The following ULK4 variants were observed in gnomAD, a reference collection of about 807,000 sequenced individuals.
ULK4 encodes the protein inactive serine/threonine-protein kinase ULK4.
ULK4 carries 133 observed loss-of-function variants against 160.6 expected under a neutral mutation model. That is an observed-to-expected ratio of 0.83 (90% CI 0.72 to 0.96). ULK4 has a LOEUF of 0.96. Ranked by LOEUF, ULK4 falls within the 40% of genes least tolerant of loss-of-function variation. The pLI is 0.00. For missense variants in ULK4, 1,580 were observed against 1,499.5 expected (o/e 1.05, Z -0.89); for synonymous variants, 534 against 539.8 (o/e 0.99, Z 0.15).
chr3:41,278,146 G>C (rs112380040), intron 35 of ULK4: 1 of 152,346 alleles, frequency 6.6e-6, no homozygotes, highest in Non-Finnish European at 1.5e-5. Context: ...ATTCCCTCCC[G>C]TGCCTGGCTC....
At chr3:41,757,843 G>C (rs2038858088) in intron 21 of ULK4, among the ~76,000 whole-genome samples, 1 of 151,814 alleles carries the variant, frequency 6.6e-6, no homozygotes. Context: ...TAGCCAAGAT[G>C]GTCTTGATCT....
intron 27 of ULK4, among the ~76,000 whole-genome samples, chr3:41,691,939 ACTT>A (rs1162244846): frequency 3.2e-4 from 41 of 129,310 alleles, no homozygotes; most frequent in African/African-American, 1.2e-3. Flanking sequence ...TCATCAAATC[ACTT>A]CTTTTTTTTT....
At chr3:41,687,141 A>C (rs1469338305) in intron 27 of ULK4, among the ~76,000 whole-genome samples, 1 of 152,090 alleles carries the variant, frequency 6.6e-6, no homozygotes, top group African/African-American at 2.4e-5. Context: ...TTGGGAGGCC[A>C]AGGTGGGCAG....
chr3:41,674,903 A>T (rs181866735), intron 29 of ULK4, among the ~76,000 whole-genome samples: 19 of 152,324 alleles, frequency 1.2e-4, no homozygotes, highest in Non-Finnish European at 2.8e-4. Flanking sequence ...AGGTATGTCC[A>T]AGTCATAACA....
At chr3:41,285,325 C>T (rs1191335170) in intron 35 of ULK4, among the ~76,000 whole-genome samples, 2 of 152,138 alleles carry the variant, frequency 1.3e-5, no homozygotes, top group Non-Finnish European at 2.9e-5. Context: ...ACTGCAAAAT[C>T]GTGAAACCAA....
In ULK4 at chr3:41,672,061, G is replaced by A. The variant is rs189234821; in HGVS notation, c.2979-8362C>T. On this transcript the variant is annotated intron_variant, in intron 29 of 36. Coordinates refer to ENST00000301831, the MANE Select transcript of ULK4 (RefSeq NM_017886.4). ...TGATTAAAATGGCTATTATGAAAAA[G>A]ATGAAAAATAAGAGATGTTGGCAAG... 9.7e-4 allele frequency among the ~76,000 whole-genome samples: 148 copies of A among 152,172 alleles called. 1 individual carries two copies. The highest frequency in any genetic ancestry group is 4.3e-4 in the Non-Finnish European group (29 of 67,982).
chr3:41,877,954 C>G (rs1697371623), intron 17 of ULK4, among the ~76,000 whole-genome samples: 1 of 152,008 alleles, frequency 6.6e-6, no homozygotes, highest in South Asian at 2.1e-4. Flanking sequence ...GCACTCCAGC[C>G]TGGGCAACAA....
intron 32 of ULK4, among the ~76,000 whole-genome samples, chr3:41,559,893 T>C (rs1021954221): frequency 3.9e-4 from 60 of 152,242 alleles, no homozygotes; most frequent in Non-Finnish European, 6.2e-4. Flanking sequence ...CTGTCTATTC[T>C]GGCTTTTGTT....
Position 41,647,901 on chromosome 3 carries a change from C to T in ULK4, c.3071+15706G>A, listed in dbSNP as rs946911303. 3.9e-5 allele frequency among the ~76,000 whole-genome samples: 6 copies of T among 152,214 alleles called. No individual in the cohort carries two copies. In the East Asian group the frequency reaches 7.7e-4, roughly 20 times the overall value. On this transcript the variant is annotated intron_variant, in intron 30 of 36. Transcript: ENST00000301831. ...GTACCTACGCAAGCCTGAGCAATGG[C>T]GGGCGCCCCTCCCCCAGCCTCGCTG...
At chr3:41,579,801 T>C (rs558109999) in intron 31 of ULK4, among the ~76,000 whole-genome samples, 8 of 152,264 alleles carry the variant, frequency 5.3e-5, no homozygotes, top group African/African-American at 1.9e-4. Flanking sequence ...CTGGAACTAA[T>C]ATTTTTTGCT....
At chr3:41,850,664 T>TTTC (rs879856120) in intron 17 of ULK4, among the ~76,000 whole-genome samples, 10,936 of 152,226 alleles carry the variant, frequency 0.072, 1,236 homozygotes, top group African/African-American at 0.24. Context: ...GGGTTGTTTT[T>TTTC]TTCTTGTAAA....
At chr3:41,309,399 G>A (rs956396611) in intron 35 of ULK4, among the ~76,000 whole-genome samples, 1 of 152,122 alleles carries the variant, frequency 6.6e-6, no homozygotes, top group Non-Finnish European at 1.5e-5. Flanking sequence ...ATTCGTAGGT[G>A]TGATCATTGC....
At chr3:41,956,256 A>G (rs752849973) in intron 1 of ULK4, among the ~76,000 whole-genome samples, 1 of 152,198 alleles carries the variant, frequency 6.6e-6, no homozygotes, top group South Asian at 2.1e-4. Flanking sequence ...ACTGCAACCA[A>G]TAGACCGATT....
At chr3:41,395,616 T>C (rs188126866) in intron 35 of ULK4, among the ~76,000 whole-genome samples, 117 of 152,242 alleles carry the variant, frequency 7.7e-4, no homozygotes, top group African/African-American at 2.8e-3. Flanking sequence ...TATCAGGCAC[T>C]GGGAGAAGGA....
At chr3:41,737,907 G>A (rs2038110934) in intron 22 of ULK4, among the ~76,000 whole-genome samples, 1 of 151,902 alleles carries the variant, frequency 6.6e-6, no homozygotes, top group South Asian at 2.1e-4. Context: ...AACTCGAATA[G>A]ACCACTTAGC....
At chr3:41,472,768 T>C (rs2084026206) in intron 32 of ULK4, among the ~76,000 whole-genome samples, 1 of 152,156 alleles carries the variant, frequency 6.6e-6, no homozygotes, top group South Asian at 2.1e-4. Context: ...TCAAATTCTT[T>C]TTATGAGCCC....
At chr3:41,762,763 C>T (rs1178821512) in intron 21 of ULK4, among the ~76,000 whole-genome samples, 3 of 150,054 alleles carry the variant, frequency 2.0e-5, no homozygotes, top group Non-Finnish European at 3.0e-5. Context: ...CCCAGGTTCA[C>T]GCCATTCTCC....
chr3:41,361,042 G>A (rs879907604), intron 35 of ULK4, among the ~76,000 whole-genome samples: 3 of 152,168 alleles, frequency 2.0e-5, no homozygotes, highest in Non-Finnish European at 4.4e-5. Context: ...ACGCAGGAGA[G>A]AGAAAGGGGA....
chr3:41,391,209 C>T (rs540364603), intron 35 of ULK4, among the ~76,000 whole-genome samples: 3 of 152,164 alleles, frequency 2.0e-5, no homozygotes, highest in South Asian at 2.1e-4. Context: ...GAATGCTTAT[C>T]CAGTGGAACT....
Sources: allele counts gnomAD v4.1 joint callset (sites outside exome capture counted in the v4.1 genomes callset), GRCh38; gene constraint gnomAD v4.1.1; transcripts MANE v1.5; gene names NCBI Gene and HGNC (gene_info 2026-07-23, HGNC 2026-07-21).